TCF3: variants seen among roughly 807,000 people sequenced by gnomAD.
TCF3 encodes transcription factor E2-alpha.
A neutral mutation model predicts 72.3 loss-of-function variants in TCF3; 54 were observed. The ratio of observed to expected loss-of-function variants is 0.75; its 90% CI spans 0.60 to 0.94. TCF3 has a LOEUF of 0.94. Among genes scored for constraint, TCF3 ranks in the 40% least tolerant of loss-of-function variants. TCF3 has a pLI of 0.00. For missense variants in TCF3, 1,078 were observed against 934.4 expected, an observed-to-expected ratio of 1.15 and a Z score of -2.00; for synonymous variants, 525 against 412.6, an observed-to-expected ratio of 1.27 and a Z score of -3.30.
rs2277754 is a variant in TCF3 at position 1,619,333 on chromosome 19, C to T, written c.1309G>A (p.Gly437Arg). Residue 437 changes from glycine (G) to arginine (R), a missense_variant, in exon 15 of 19, where the codon GGG (glycine) becomes AGG (arginine). Physicochemically the swap from Gly to Arg is moderately radical, Grantham distance 125. Transcript: ENST00000262965. ...SGFTGPMSLG[G>R]RHAGLVGGSH... ...GCGCTCACCAGGCCTGCGTGCCGCC[C>T]GCCCAGTGACATGGGGCCGGTGAAA... is the stretch of plus-strand genomic sequence containing the variant. 93 of 1,578,080 alleles carry T rather than the reference C, an allele frequency of 5.9e-5. No homozygotes were observed. Among genetic ancestry groups the T allele is most frequent in the Non-Finnish European group, 7.3e-5 (85 of 1,167,988 alleles).
chr19:1,619,385 C>A lies in TCF3; in HGVS notation c.1257G>T (p.Leu419=). ...VGTAGDMHTL[L]PGHGALASGF... The stretch of plus-strand genomic sequence containing the variant: ...CTGAGGCCAGCGCCCCGTGGCCAGG[C>A]AGCAGCGTGTGCATGTCGCCGGCTG... The change falls in exon 15 of 19, where the codon CTG becomes CTT. Residue 419 remains leucine, a synonymous_variant. Coordinates refer to ENST00000262965, the MANE Select transcript of TCF3 (RefSeq NM_003200.5). 1 of 1,592,926 alleles carries A rather than the reference C, an allele frequency of 6.3e-7. No homozygotes were observed. The highest frequency in any genetic ancestry group is 2.2e-5 in the East Asian group (1 of 44,678).
At position 1,614,293 on chromosome 19, in the gene TCF3, G is replaced by A. The variant is rs951188829; in HGVS notation, c.1822+992C>T. On this transcript the variant is annotated intron_variant, in intron 18 of 18. Transcript: ENST00000262965. The surrounding 1 kb of genome is among the most constrained non-coding windows in gnomAD (Gnocchi z 5.6). The stretch of plus-strand genomic sequence containing the variant: ...CCAGGACAAGCGCACAGACCAAACT[G>A]ACAGGACCAGGGGCTGCGTGCTCCC... Among the ~76,000 whole-genome samples the A allele has an allele frequency of 6.6e-6, 1 of 152,252 alleles. No individual in the cohort carries two copies. The highest frequency in any genetic ancestry group is 1.5e-5 in the Non-Finnish European group (1 of 68,042).
chr19:1,625,650 C>T lies in TCF3; in HGVS notation c.425G>A (p.Gly142Asp). 1 of 1,543,632 alleles carries T rather than the reference C, an allele frequency of 6.5e-7. No individual in the cohort carries two copies. The highest frequency in any genetic ancestry group is 8.7e-7 in the Non-Finnish European group (1 of 1,151,112). ...GTAGTACTGGGAGGTCCCCTTCATGCCCGAAGGGGACAGGGGCCCGGGGCT... is the reference window on the plus strand; with the variant it reads ...GTAGTACTGGGAGGTCCCCTTCATGTCCGAAGGGGACAGGGGCCCGGGGCT... ...LNSPGPLSPS[G>D]MKGTSQYYPS... is the part of the protein sequence containing the mutation. Residue 142 changes from glycine (G) to aspartate (D), a missense_variant, in exon 7 of 19, where the codon GGC (glycine) becomes GAC (aspartate). By Grantham distance (94) the Gly-to-Asp change is moderately conservative. Transcript: ENST00000262965.
In TCF3 at chr19:1,627,442, G is replaced by T. The variant is rs757591382; in HGVS notation, c.299-16C>A. On this transcript the variant is annotated splice_polypyrimidine_tract_variant and intron_variant, in intron 5 of 18. Transcript: ENST00000262965. ...CCGCTCTTGCCTGCAAGGGGAGAAG[G>T]AAGGTTAGTGGGAGGCGACCCCAAG... The T allele has an allele frequency of 1.6e-5, 25 of 1,611,278 alleles. No individual in the cohort carries two copies. The highest frequency in any genetic ancestry group is 2.0e-5 in the Non-Finnish European group (24 of 1,179,410).
intron 2 of TCF3, among the ~76,000 whole-genome samples, chr19:1,648,177 C>A (rs1385870600): frequency 6.6e-6 from 1 of 152,210 alleles, no homozygotes; most frequent in Admixed American, 6.5e-5. Flanking sequence ...GTTCCCTGTT[C>A]TCTCACTTTA....
chr19:1,624,300 G>A (rs1298798567), intron 7 of TCF3, among the ~76,000 whole-genome samples: 4 of 152,176 alleles, frequency 2.6e-5, no homozygotes, highest in Admixed American at 2.0e-4. Flanking sequence ...GGAGGCCGAG[G>A]CAGGAGAATC....
intron 2 of TCF3, among the ~76,000 whole-genome samples, chr19:1,647,633 G>C (rs1303177477): frequency 7.9e-5 from 12 of 152,210 alleles, no homozygotes; most frequent in African/African-American, 1.9e-4. Flanking sequence ...GGTGCACCCA[G>C]CCTCCCCTGG....
At chr19:1,621,813 G>T in intron 11 of TCF3, 25 bp downstream of exon 11, 1 of 1,566,998 alleles carries the variant, frequency 6.4e-7, no homozygotes, top group Admixed American at 1.9e-5. Context: ...CCTCGGAGAG[G>T]CCGCATCCCA....
Position 1,609,764 on chromosome 19 carries a change from T to A in TCF3, c.*1943A>T, listed in dbSNP as rs1309645577. Reference sequence around the variant, plus strand: ...CAGATACCAGGCATTGAGCTGGCCTTGAGGTTTCCCTTGCATCTACCATGG... The same window carrying A: ...CAGATACCAGGCATTGAGCTGGCCTAGAGGTTTCCCTTGCATCTACCATGG... On this transcript the variant is annotated 3_prime_UTR_variant, in exon 19 of 19. Transcript: ENST00000262965. The A allele has an allele frequency of 8.7e-6, 2 of 228,854 alleles. No individual in the cohort carries two copies. Among genetic ancestry groups the A allele is most frequent in the African/African-American group, 4.5e-5 (2 of 44,832 alleles). 14.2% of individuals were successfully genotyped at this position (228,854 alleles called of 1,614,324 possible).
In TCF3 at chr19:1,609,450, A is replaced by G. The variant is rs2060837693; in HGVS notation, c.*2257T>C. 1 of 210,442 alleles carries G rather than the reference A, an allele frequency of 4.8e-6. No individual in the cohort carries two copies. The allele number at this position is 210,442 out of a possible 1,614,324, so 13.0% of individuals were successfully genotyped here. A position where few individuals can be genotyped will look rare whatever the true frequency, so the allele number is the denominator to read the frequency against. ...CTTTAAAAAAATTTTTTTGAAAACC[A>G]TCTTGAGGCACTCAGATCACACCCC... On this transcript the variant is annotated 3_prime_UTR_variant, in exon 19 of 19. Coordinates refer to ENST00000262965, the MANE Select transcript of TCF3 (RefSeq NM_003200.5).
At chr19:1,626,413 G>T (rs2062880309) in intron 6 of TCF3, among the ~76,000 whole-genome samples, 1 of 151,282 alleles carries the variant, frequency 6.6e-6, no homozygotes, top group African/African-American at 2.4e-5. Context: ...TTGCGCCATT[G>T]AACTCCAGCC....
intron 3 of TCF3, among the ~76,000 whole-genome samples, chr19:1,645,641 A>G (rs2065975868): frequency 6.6e-6 from 1 of 152,144 alleles, no homozygotes; most frequent in Non-Finnish European, 1.5e-5. Context: ...GCTTTGGGGC[A>G]ACCTGGCCCT....
Position 1,611,534 on chromosome 19 carries a change from G to C in TCF3, c.*173C>G, listed in dbSNP as rs1599394476. The stretch of plus-strand genomic sequence containing the variant: ...GGGCCCCAGGGAGCTCCTGGACCCA[G>C]TGTCACCTTGGCCGCCCCCATCACT... On this transcript the variant is annotated 3_prime_UTR_variant, in exon 19 of 19. Transcript: ENST00000262965. 9 of 876,842 alleles carry C rather than the reference G, an allele frequency of 1.0e-5. No homozygotes were observed. The highest frequency in any genetic ancestry group is 9.5e-5 in the South Asian group (5 of 52,396). 54.3% of individuals were successfully genotyped at this position (876,842 alleles called of 1,614,324 possible).
chr19:1,646,476 C>T lies in TCF3; in HGVS notation c.73-49G>A, dbSNP rs1459134920. 4 of 1,515,214 alleles carry T rather than the reference C, an allele frequency of 2.6e-6. No individual in the cohort carries two copies. The East Asian group carries it at 7.4e-5, about 28-fold the overall frequency. The allele number at this position is 1,515,214 out of a possible 1,614,324, so 93.9% of individuals were successfully genotyped here. A position where few individuals can be genotyped will look rare whatever the true frequency, so the allele number is the denominator to read the frequency against. ...TGAGCGGGGCGGGTGGCAAACCAAA[C>T]CCTACAGTCCCGGGTTCAAACCCAA... On this transcript the variant is annotated intron_variant, in intron 2 of 18. Coordinates refer to ENST00000262965, the MANE Select transcript of TCF3 (RefSeq NM_003200.5).
At chr19:1,629,966 C>G (rs1035390604) in intron 5 of TCF3, among the ~76,000 whole-genome samples, 1 of 152,118 alleles carries the variant, frequency 6.6e-6, no homozygotes. Context: ...CCCGGCTCCT[C>G]GGGTGAGAAA....
intron 3 of TCF3, among the ~76,000 whole-genome samples, chr19:1,636,600 C>T (rs908213047): frequency 1.3e-5 from 2 of 152,182 alleles, no homozygotes; most frequent in East Asian, 1.9e-4. Context: ...TCCATTTTAT[C>T]TAAATTCAAG....
chr19:1,625,404 G>A (rs893150115), intron 7 of TCF3, among the ~76,000 whole-genome samples, 172 bp downstream of exon 7: 2 of 152,152 alleles, frequency 1.3e-5, no homozygotes, highest in Non-Finnish European at 1.5e-5. Flanking sequence ...CCCCTGCCTC[G>A]ACCCCCCGTC....
intron 1 of TCF3, among the ~76,000 whole-genome samples, chr19:1,651,752 G>A (rs890668232): frequency 6.6e-6 from 1 of 151,778 alleles, no homozygotes; most frequent in African/African-American, 2.4e-5. Context: ...CTCGCAGCGC[G>A]GCCGCCGCCT....
At chr19:1,612,295 C>T (rs1198128796) in intron 18 of TCF3, 1 of 1,613,772 alleles carries the variant, frequency 6.2e-7, no homozygotes, top group Non-Finnish European at 8.5e-7. Flanking sequence ...ACTTGAGGTG[C>T]ATCTGGCACA....
Sources: gnomAD v4.1 joint callset for allele counts (sites outside exome capture counted in the v4.1 genomes callset) on GRCh38, gnomAD v4.1.1 for gene constraint, Gnocchi (gnomAD v3.1) non-coding constraint, MANE v1.5 for transcripts, NCBI Gene and HGNC (gene_info 2026-07-23, HGNC 2026-07-21) for gene names.